AQR: variants seen among roughly 807,000 people sequenced by gnomAD.
AQR encodes aquarius intron-binding spliceosomal factor.
In AQR, 61 loss-of-function variants were observed where a neutral mutation model predicts 180.5. The ratio of observed to expected loss-of-function variants is 0.34; its 90% CI spans 0.28 to 0.42. The LOEUF is 0.42. Ranked by LOEUF, AQR falls within the 10% of genes least tolerant of loss-of-function variation. The pLI is 1.00. For missense variants in AQR, 1,281 were observed against 1,798.3 expected (o/e 0.71, Z 5.20); for synonymous variants, 551 against 588.8 (o/e 0.94, Z 0.93).
At chr15:34,857,217 A>G (rs1892599176) in intron 34 of AQR, 111 bp from the exon 35 acceptor site, 1 of 997,902 alleles carries the variant, frequency 1.0e-6, no homozygotes, top group East Asian at 2.6e-5. Flanking sequence ...ACCATTTTAT[A>G]CTCCAGATGT....
At chr15:34,933,459 C>CTT (rs34956409) in intron 10 of AQR, among the ~76,000 whole-genome samples, 5 of 148,804 alleles carry the variant, frequency 3.4e-5, no homozygotes, top group Non-Finnish European at 5.9e-5. Flanking sequence ...AGTATGAAAT[C>CTT]TTTTTTTTTT....
chr15:34,884,663 T>C lies in AQR; in HGVS notation c.2889A>G (p.Glu963=), dbSNP rs562439060. 4.1e-5 allele frequency: 66 copies of C among 1,612,844 alleles called. No individual in the cohort carries two copies. The highest frequency in any genetic ancestry group is 5.4e-5 in the Non-Finnish European group (64 of 1,179,710). ...CATGGAAAGGGAAGAAAGTGGAGAC[T>C]TCCGTAACATCTGGCAATGTACTAC... ...NKGSTLPDVT[E]VSTFFPFHEY... is the part of the protein sequence containing the mutation. The change falls in exon 26 of 35, where the codon GAA becomes GAG. Residue 963 remains glutamate, a synonymous_variant. Transcript: ENST00000156471.
intron 14 of AQR, among the ~76,000 whole-genome samples, chr15:34,919,972 T>A (rs913097675): frequency 6.6e-6 from 1 of 152,190 alleles, no homozygotes; most frequent in Non-Finnish European, 1.5e-5. Flanking sequence ...CTCATTTCTT[T>A]CTATTGCAAA....
At chr15:34,877,166 T>C (rs1566980512) in intron 27 of AQR, among the ~76,000 whole-genome samples, 1 of 152,246 alleles carries the variant, frequency 6.6e-6, no homozygotes, top group Non-Finnish European at 1.5e-5. Context: ...TAATTACTAC[T>C]GTTCTATCTG....
In AQR at chr15:34,904,485, G is replaced by A. The variant is rs1409403976; in HGVS notation, c.1852C>T (p.Leu618Phe). The A allele has an allele frequency of 6.2e-7, 1 of 1,611,212 alleles. No homozygotes were observed. Among genetic ancestry groups the A allele is most frequent in the Admixed American group, 1.7e-5 (1 of 59,634 alleles). The change falls in exon 19 of 35, where the codon CTT becomes TTT. Residue 618 changes from leucine (L) to phenylalanine (F), a missense_variant. Around this residue, in one of 9 missense-constraint regions of AQR, gnomAD observed 200 missense variants for 293.4 expected, o/e 0.68. Coordinates refer to ENST00000156471, the MANE Select transcript of AQR (RefSeq NM_014691.3). ...IEDGPEPRPN[L>F]RGESRTFRVF... ...CTAAATGTCCTTGATTCTCCTCTAA[G>A]ATTGGGTCTGGGTTCAGGTCCTGGA...
intron 15 of AQR, among the ~76,000 whole-genome samples, chr15:34,915,528 A>T (rs16954283): frequency 0.11 from 16,787 of 151,890 alleles, 1,039 homozygotes; most frequent in Middle Eastern, 0.17. Flanking sequence ...TCTCTGTATT[A>T]AAAAACTGGC....
intron 16 of AQR, among the ~76,000 whole-genome samples, chr15:34,912,644 G>T (rs1308828545): frequency 1.4e-5 from 2 of 142,720 alleles, no homozygotes. Flanking sequence ...GGATTGGAAG[G>T]AAAAAAAAAA....
intron 3 of AQR, among the ~76,000 whole-genome samples, chr15:34,958,156 C>T (rs1420713797): frequency 6.6e-6 from 1 of 151,370 alleles, no homozygotes. Context: ...TGCAGTGAGC[C>T]GAGATCATGC....
At chr15:34,886,011 C>G (rs1893054461) in intron 25 of AQR, among the ~76,000 whole-genome samples, 1 of 152,152 alleles carries the variant, frequency 6.6e-6, no homozygotes, top group African/African-American at 2.4e-5. Context: ...GGTTTTCACA[C>G]TTCCAAAATT....
chr15:34,870,697 C>T (rs1892804121), intron 31 of AQR, 55 bp downstream of exon 31: 3 of 1,503,478 alleles, frequency 2.0e-6, no homozygotes, highest in Non-Finnish European at 2.7e-6. Context: ...CAATATAAAC[C>T]TTTCCATCTT....
intron 32 of AQR, among the ~76,000 whole-genome samples, chr15:34,866,390 TA>T (rs1892738842): frequency 6.6e-6 from 1 of 152,196 alleles, no homozygotes; most frequent in Non-Finnish European, 1.5e-5. Context: ...GTATTTTTGC[TA>T]AAAAATTTTG....
At chr15:34,949,142 G>A (rs2140501913) in intron 4 of AQR, among the ~76,000 whole-genome samples, 1 of 151,700 alleles carries the variant, frequency 6.6e-6, no homozygotes, top group Non-Finnish European at 1.5e-5. Flanking sequence ...ACAAGAATGT[G>A]CCACCACGCC....
At chr15:34,883,031 T>C (rs189815703) in intron 26 of AQR, among the ~76,000 whole-genome samples, 179 of 152,148 alleles carry the variant, frequency 1.2e-3, no homozygotes, top group Admixed American at 1.9e-3. Context: ...TAATGTAACA[T>C]AGAAATTAGA....
In AQR at chr15:34,856,251, A is replaced by G. The variant is rs1017787448; in HGVS notation, c.*541T>C. The G allele has an allele frequency of 3.6e-6, 1 of 275,140 alleles. No homozygotes were observed. The highest frequency in any genetic ancestry group is 6.7e-6 in the Non-Finnish European group (1 of 149,312). The allele number at this position is 275,140 out of a possible 1,614,324, so 17.0% of individuals were successfully genotyped here. ...ATCTTAGGTGATTCTAAGGCATTCT[A>G]AGATTTGAGAGAAGGAAATGCATGT... On this transcript the variant is annotated 3_prime_UTR_variant, in exon 35 of 35. Transcript: ENST00000156471.
Position 34,854,723 on chromosome 15 carries a change from A to G in AQR, c.*2069T>C, listed in dbSNP as rs186562997. 2 of 152,346 alleles carry G rather than the reference A, an allele frequency of 1.3e-5. No homozygotes were observed. The highest frequency in any genetic ancestry group is 3.9e-4 in the East Asian group (2 of 5,176). The allele number at this position is 152,346 out of a possible 1,614,324, so 9.4% of individuals were successfully genotyped here. A position where few individuals can be genotyped will look rare whatever the true frequency, so the allele number is the denominator to read the frequency against. Reference sequence around the variant, plus strand: ...CCTAAATTTGCTTTTTAGTGATAGAAAAACCAAGCAGCAAAGAAAAAAGTA... The same window carrying G: ...CCTAAATTTGCTTTTTAGTGATAGAGAAACCAAGCAGCAAAGAAAAAAGTA... On this transcript the variant is annotated 3_prime_UTR_variant, in exon 35 of 35. Coordinates refer to ENST00000156471, the MANE Select transcript of AQR (RefSeq NM_014691.3).
intron 1 of AQR, among the ~76,000 whole-genome samples, chr15:34,967,435 T>C (rs914314610): frequency 6.6e-6 from 1 of 152,188 alleles, no homozygotes; most frequent in African/African-American, 2.4e-5. Flanking sequence ...CCCTCTAAAA[T>C]GTGAGTTCCA....
At chr15:34,908,420 A>T (rs1165668008) in intron 17 of AQR, among the ~76,000 whole-genome samples, 1 of 151,974 alleles carries the variant, frequency 6.6e-6, no homozygotes, top group Non-Finnish European at 1.5e-5. Flanking sequence ...TGGGCGACAG[A>T]GTGAGACTCC....
At chr15:34,903,866 C>A (rs1156473514) in intron 19 of AQR, among the ~76,000 whole-genome samples, 1 of 68,982 alleles carries the variant, frequency 1.4e-5, no homozygotes, top group Non-Finnish European at 5.0e-5. Flanking sequence ...CCAAACCTCC[C>A]TTTCCTACTA....
At chr15:34,926,994 T>C (rs374337833) in intron 13 of AQR, 41 bp downstream of exon 13, 3 of 1,239,826 alleles carry the variant, frequency 2.4e-6, no homozygotes, top group Non-Finnish European at 3.4e-6. Context: ...TGAGGGAGCA[T>C]GATACAAAAA....
Sources: gnomAD v4.1 joint callset for allele counts (sites outside exome capture counted in the v4.1 genomes callset) on GRCh38, gnomAD v4.1.1 for gene constraint, gnomAD v4.1.1 regional missense constraint, MANE v1.5 for transcripts, NCBI Gene and HGNC (gene_info 2026-07-23, HGNC 2026-07-21) for gene names.